Variants in CRHR1 observed in about 807,000 individuals in gnomAD.
CRHR1 encodes the protein corticotropin releasing hormone receptor 1, also known as corticotropin-releasing hormone receptor 1.
A neutral mutation model predicts 56.0 loss-of-function variants in CRHR1; 28 were observed. The observed-to-expected ratio is 0.50, with a 90% CI of 0.37 to 0.69. The LOEUF (loss-of-function observed/expected upper bound fraction) is 0.69. CRHR1 is among the 30% of genes least tolerant of loss of function. CRHR1 has a pLI of 0.00. For missense variants in CRHR1, 376 were observed against 548.0 expected (o/e 0.69, Z 3.13); for synonymous variants, 195 against 216.5 (o/e 0.90, Z 0.87).
Position 45,829,084 on chromosome 17 carries a change from C to T in CRHR1, c.328-131C>T, listed in dbSNP as rs2062232449. ...CTCTGCAGCGAGGCCTGACCCTCAGCAGATGCTCAGGAAGGGGGAGTGGCC... is the reference window on the plus strand; with the variant it reads ...CTCTGCAGCGAGGCCTGACCCTCAGTAGATGCTCAGGAAGGGGGAGTGGCC... On this transcript the variant is annotated intron_variant, in intron 4 of 12. Transcript: ENST00000314537. 4 of 689,316 alleles carry T rather than the reference C, an allele frequency of 5.8e-6. No individual in the cohort carries two copies. The East Asian group carries it at 1.1e-4, about 19-fold the overall frequency. 42.7% of individuals were successfully genotyped at this position (689,316 alleles called of 1,614,324 possible).
chr17:45,805,240 G>A (rs554841762), intron 1 of CRHR1, among the ~76,000 whole-genome samples: 13 of 152,046 alleles, frequency 8.6e-5, no homozygotes, highest in Non-Finnish European at 1.3e-4. Context: ...ATTTTTTGGC[G>A]TTAATCTTTA....
At chr17:45,834,561 C>T in intron 12 of CRHR1, 63 bp from the exon 13 acceptor site, 8 of 1,543,826 alleles carry the variant, frequency 5.2e-6, no homozygotes, top group Non-Finnish European at 7.0e-6. Context: ...TCGTGGCGGC[C>T]CAGGGGAGGG....
intron 4 of CRHR1, among the ~76,000 whole-genome samples, chr17:45,828,901 C>T (rs1208045849): frequency 6.6e-6 from 1 of 152,152 alleles, no homozygotes; most frequent in Non-Finnish European, 1.5e-5. Context: ...TGAGGGCGCA[C>T]CTGTGAGCCG....
In CRHR1 at chr17:45,833,025, A is replaced by G. The variant is rs750080431; in HGVS notation, c.771-113A>G. On this transcript the variant is annotated intron_variant, in intron 8 of 12. Transcript: ENST00000314537. ...CTTCTGCCAGGGTTGGAATTGGGAC[A>G]TCTACCTCTTGGCCTCCAGCCCCAG... 69 of 904,436 alleles carry G rather than the reference A, an allele frequency of 7.6e-5. No homozygotes were observed. The Admixed American group carries it at 1.2e-3, about 16-fold the overall frequency. The allele number at this position is 904,436 out of a possible 1,614,324, so 56.0% of individuals were successfully genotyped here.
At chr17:45,820,791 A>G (rs1350107124) in intron 3 of CRHR1, among the ~76,000 whole-genome samples, 2 of 152,182 alleles carry the variant, frequency 1.3e-5, no homozygotes, top group South Asian at 4.2e-4. Flanking sequence ...GATCTGCCCC[A>G]TGAACTCTGA....
intron 1 of CRHR1, chr17:45,800,294 C>T (rs886687313): frequency 1.3e-5 from 2 of 152,248 alleles, no homozygotes; most frequent in African/African-American, 4.8e-5. Flanking sequence ...AATGGAAAAA[C>T]TCCTTCCCAA....
intron 3 of CRHR1, among the ~76,000 whole-genome samples, chr17:45,820,666 C>T (rs887762166): frequency 3.9e-5 from 6 of 152,188 alleles, no homozygotes; most frequent in African/African-American, 1.4e-4. Flanking sequence ...ACACGCCTGT[C>T]ACCTGTCATT....
chr17:45,813,255 C>T (rs867636083), intron 2 of CRHR1, among the ~76,000 whole-genome samples: 1 of 152,232 alleles, frequency 6.6e-6, no homozygotes, highest in Non-Finnish European at 1.5e-5. Context: ...GGTCCCCTCC[C>T]TTCTAACTCC....
chr17:45,784,905 C>T lies in CRHR1; in HGVS notation c.33+328C>T, dbSNP rs950672556. On this transcript the variant is annotated intron_variant, in intron 1 of 12. Coordinates refer to ENST00000314537, the MANE Select transcript of CRHR1 (RefSeq NM_004382.5). This position sits in a 1 kb window ranked among gnomAD's most constrained non-coding sequence, Gnocchi z 4.2. ...ACGCCTAGGGGAGGGGAGGTTCCAC[C>T]TCCCACGCCCTTCCTGCAGACCTCG... Among the ~76,000 whole-genome samples the T allele has an allele frequency of 2.0e-5, 3 of 152,138 alleles. No individual in the cohort carries two copies. Among genetic ancestry groups the T allele is most frequent in the Non-Finnish European group, 4.4e-5 (3 of 68,014 alleles).
Position 45,833,547 on chromosome 17 carries a change from T to A in CRHR1, c.929+10T>A, listed in dbSNP as rs1160953701. 1.2e-6 allele frequency: 2 copies of A among 1,613,302 alleles called. No homozygotes were observed. The highest frequency in any genetic ancestry group is 1.7e-6 in the Non-Finnish European group (2 of 1,179,596). The stretch of plus-strand genomic sequence containing the variant: ...AGACCATTCAGTACAGGTAACCGGG[T>A]ACCACCTTCCTCAGGCCTCCCCCTG... On this transcript the variant is annotated intron_variant, in intron 10 of 12. Coordinates refer to ENST00000314537, the MANE Select transcript of CRHR1 (RefSeq NM_004382.5).
chr17:45,829,820 C>T (rs991105694), intron 5 of CRHR1, among the ~76,000 whole-genome samples: 23 of 151,994 alleles, frequency 1.5e-4, no homozygotes, highest in African/African-American at 5.3e-4. Context: ...AAGCGGGCAT[C>T]GCCAGGAATC....
At chr17:45,787,497 T>A (rs2061357134) in intron 1 of CRHR1, among the ~76,000 whole-genome samples, 4 of 152,132 alleles carry the variant, frequency 2.6e-5, no homozygotes, top group Admixed American at 2.6e-4. Context: ...ATAGGCAAAG[T>A]TTGAAAACCA....
intron 2 of CRHR1, among the ~76,000 whole-genome samples, chr17:45,813,704 C>T (rs750602137): frequency 2.0e-5 from 3 of 152,256 alleles, no homozygotes; most frequent in African/African-American, 4.8e-5. Flanking sequence ...AATCCACTCC[C>T]GTCTCAGTAT....
intron 1 of CRHR1, among the ~76,000 whole-genome samples, chr17:45,801,400 A>G (rs1598408008): frequency 6.6e-6 from 1 of 152,146 alleles, no homozygotes; most frequent in Non-Finnish European, 1.5e-5. Flanking sequence ...GGAGCATGAT[A>G]CCCGCCCAGT....
rs773215403 is a variant in CRHR1, at chr17:45,821,454, G to T, written c.327+14G>T. The T allele has an allele frequency of 1.2e-6, 2 of 1,609,762 alleles. No homozygotes were observed. The highest frequency in any genetic ancestry group is 1.3e-5 in the African/African-American group (1 of 75,040). ...CTCAATGAGGAGGTGAGGCTGAGCC[G>T]AACAAGGCTGCCCATATGGAGGGGA... On this transcript the variant is annotated intron_variant, in intron 4 of 12. Coordinates refer to ENST00000314537, the MANE Select transcript of CRHR1 (RefSeq NM_004382.5).
At chr17:45,830,055 T>C (rs2062259966) in intron 5 of CRHR1, 39 bp from the exon 6 acceptor site, 3 of 1,613,016 alleles carry the variant, frequency 1.9e-6, no homozygotes, top group Non-Finnish European at 2.5e-6. Flanking sequence ...ATCCTCTCTC[T>C]CCTATCGCTC....
chr17:45,832,673 CT>C (rs2062341894), intron 8 of CRHR1, among the ~76,000 whole-genome samples: 1 of 152,182 alleles, frequency 6.6e-6, no homozygotes, highest in South Asian at 2.1e-4. Context: ...GCAAGTATTC[CT>C]CTCAAGGTTG....
chr17:45,819,891 C>T (rs1000944758), intron 3 of CRHR1, among the ~76,000 whole-genome samples: 3 of 152,208 alleles, frequency 2.0e-5, no homozygotes, highest in African/African-American at 7.2e-5. Context: ...GGACGGGCTC[C>T]CTATCATCAC....
chr17:45,828,988 C>T (rs150661795), intron 4 of CRHR1, among the ~76,000 whole-genome samples: 4 of 152,206 alleles, frequency 2.6e-5, no homozygotes, highest in Admixed American at 6.5e-5. Flanking sequence ...AGATTCAGTT[C>T]GACACAACAC....
Sources: gnomAD v4.1 joint callset for allele counts (sites outside exome capture counted in the v4.1 genomes callset) on GRCh38, gnomAD v4.1.1 for gene constraint, Gnocchi (gnomAD v3.1) non-coding constraint, MANE v1.5 for transcripts, NCBI Gene and HGNC (gene_info 2026-07-23, HGNC 2026-07-21) for gene names.